FUOM: variants seen among roughly 807,000 people sequenced by gnomAD.
FUOM encodes fucose mutarotase.
FUOM carries 19 observed loss-of-function variants against 18.3 expected under a neutral mutation model. The observed-to-expected ratio is 1.04, with a 90% CI of 0.73 to 1.53. The LOEUF (loss-of-function observed/expected upper bound fraction) is 1.53. Ranked by LOEUF, FUOM falls within the 40% of genes most tolerant of loss-of-function variation. The pLI is 0.00. For synonymous variants in FUOM, 102 were observed against 87.9 expected, an observed-to-expected ratio of 1.16 and a Z score of -0.90; for missense variants, 210 against 200.9, an observed-to-expected ratio of 1.04 and a Z score of -0.27.
chr10:133,356,480 C>T (rs553870506), intron 4 of FUOM, among the ~76,000 whole-genome samples, 160 bp downstream of exon 4: 93 of 152,326 alleles, frequency 6.1e-4, no homozygotes, highest in Middle Eastern at 6.8e-3. Context: ...CCTCTTCCAC[C>T]TGGCTGGTGA....
At chr10:133,355,607 G>C in intron 5 of FUOM, 131 bp downstream of exon 5, 3 of 1,579,126 alleles carry the variant, frequency 1.9e-6, no homozygotes, top group Admixed American at 3.3e-5. Context: ...CCACTCTGTG[G>C]GACGTCTAGC....
rs1017586083 is a variant in FUOM at position 133,357,071 on chromosome 10, G to T, written c.155-58C>A. 3.2e-6 allele frequency: 5 copies of T among 1,539,622 alleles called. No homozygotes were observed. The Admixed American group carries it at 5.9e-5, about 18-fold the overall frequency. On this transcript the variant is annotated intron_variant, in intron 2 of 5. Transcript: ENST00000278025. ...AGCCCGCCCGCCCGCCTGCCTGTCT[G>T]CACCCTTCACACTGCAAGCATGGAC...
chr10:133,356,085 T>C (rs910986942), intron 4 of FUOM, among the ~76,000 whole-genome samples: 1 of 152,166 alleles, frequency 6.6e-6, no homozygotes, highest in African/African-American at 2.4e-5. Context: ...GTCGAGCCCC[T>C]GCCAGCTGTC....
chr10:133,357,760 C>G (rs1848857272), intron 1 of FUOM, 163 bp downstream of exon 1: 2 of 565,106 alleles, frequency 3.5e-6, no homozygotes, highest in African/African-American at 4.0e-5. Context: ...TCTCAGTTCC[C>G]TAAAGAATGC....
At position 133,358,009 on chromosome 10, in the gene FUOM, G is replaced by C; in HGVS notation, c.-2C>G. 6.7e-7 allele frequency: 1 copy of C among 1,495,696 alleles called. No individual in the cohort carries two copies. The highest frequency in any genetic ancestry group is 8.9e-7 in the Non-Finnish European group (1 of 1,127,172). 92.7% of individuals were successfully genotyped at this position (1,495,696 alleles called of 1,614,324 possible). The stretch of plus-strand genomic sequence containing the variant: ...GGGGACACCCTTCAGCGCCACCATG[G>C]CCCGGCAGACGGGGCGGGCGGGGCC... On this transcript the variant is annotated 5_prime_UTR_variant, in exon 1 of 6. Transcript: ENST00000278025.
chr10:133,354,831 G>A (rs956057197), downstream of FUOM, among the ~76,000 whole-genome samples: 5 of 152,192 alleles, frequency 3.3e-5, no homozygotes, highest in African/African-American at 9.6e-5. Context: ...CTCTCCAGCC[G>A]ACAGTTCCTC....
rs754390183 is a variant in FUOM at position 133,357,035 on chromosome 10, A to C, written c.155-22T>G. The C allele has an allele frequency of 5.2e-6, 8 of 1,548,710 alleles. No individual in the cohort carries two copies. In the Admixed American group the frequency reaches 1.6e-4, roughly 30 times the overall value. On this transcript the variant is annotated intron_variant, in intron 2 of 5. Transcript: ENST00000278025. ...AGGCCTGGAGGGCAGAGGAGGCAGC[A>C]CTCAGTCTCCAGCCCGCCCGCCCGC...
rs752538305 is a variant in FUOM, at chr10:133,355,393, G to A, written c.442C>T (p.Leu148Phe). The change falls in exon 6 of 6, where the codon CTT becomes TTT. Residue 148 changes from leucine to phenylalanine, a missense_variant. Coordinates refer to ENST00000278025, the MANE Select transcript of FUOM (RefSeq NM_001098483.3). Reference sequence around the variant, plus strand: ...GCCTACAGCAGGGGGTTGAGGGCAAGCACCCCCTTCCTGAGGATGAGGTTT... The same window carrying A: ...GCCTACAGCAGGGGGTTGAGGGCAAACACCCCCTTCCTGAGGATGAGGTTT... ...YGNLILRKGV[L>F]ALNPLL is the part of the protein sequence containing the mutation. 9 of 1,608,356 alleles carry A rather than the reference G, an allele frequency of 5.6e-6. No individual in the cohort carries two copies. In the South Asian group the frequency reaches 9.9e-5, roughly 18 times the overall value.
intron 2 of FUOM, 23 bp downstream of exon 2, chr10:133,357,164 T>C: frequency 1.4e-6 from 2 of 1,460,902 alleles, no homozygotes; most frequent in South Asian, 1.2e-5. Context: ...CGCCCTGCCC[T>C]GGGGGACCTG....
chr10:133,353,604 C>T (rs940419871), downstream of FUOM, among the ~76,000 whole-genome samples: 1 of 152,152 alleles, frequency 6.6e-6, no homozygotes, highest in African/African-American at 2.4e-5. Context: ...CTCCTTGCAC[C>T]GCCAGCAAAT....
intron 4 of FUOM, among the ~76,000 whole-genome samples, chr10:133,356,273 G>A (rs897824920): frequency 1.4e-4 from 21 of 152,236 alleles, no homozygotes; most frequent in Admixed American, 1.2e-3. Context: ...TAGCCAGGAT[G>A]GGGCGAGAGA....
intron 1 of FUOM, 122 bp from the exon 2 acceptor site, chr10:133,357,377 G>C (rs978732990): frequency 5.0e-6 from 5 of 994,438 alleles, no homozygotes; most frequent in Non-Finnish European, 7.7e-6. Flanking sequence ...AGGTCAGCCA[G>C]TTGGGCGCCC....
chr10:133,357,436 G>A (rs1182559718), intron 1 of FUOM, 181 bp from the exon 2 acceptor site: 16 of 654,550 alleles, frequency 2.4e-5, no homozygotes, highest in Non-Finnish European at 4.4e-5. Flanking sequence ...AAGCCACGCG[G>A]GGAGGTGGGG....
At chr10:133,356,498 C>T (rs998883187) in intron 4 of FUOM, 142 bp downstream of exon 4, 2 of 529,820 alleles carry the variant, frequency 3.8e-6, no homozygotes, top group Non-Finnish European at 6.5e-6. Flanking sequence ...TGAAGGAGTG[C>T]CAGTGGTCCG....
intron 5 of FUOM, 55 bp from the exon 6 acceptor site, chr10:133,355,491 A>ACCC (rs1218406657): frequency 5.0e-6 from 8 of 1,606,470 alleles, no homozygotes; most frequent in Non-Finnish European, 6.8e-6. Context: ...GGGTGCCGAG[A>ACCC]CCCTGCTTCA....
At chr10:133,356,265 G>A (rs1415124367) in intron 4 of FUOM, among the ~76,000 whole-genome samples, 3 of 152,216 alleles carry the variant, frequency 2.0e-5, no homozygotes, top group Non-Finnish European at 4.4e-5. Context: ...ACCAACCATA[G>A]CCAGGATGGG....
Position 133,356,716 on chromosome 10 carries a change from G to A in FUOM, c.248C>T (p.Pro83Leu), listed in dbSNP as rs749644773. The A allele has an allele frequency of 3.8e-6, 6 of 1,595,242 alleles. No individual in the cohort carries two copies. The highest frequency in any genetic ancestry group is 4.3e-6 in the Non-Finnish European group (5 of 1,170,168). The change falls in exon 4 of 6, where the codon CCC (proline) becomes CTC (leucine). Residue 83 changes from proline (P) to leucine (L), a missense_variant. Coordinates refer to ENST00000278025, the MANE Select transcript of FUOM (RefSeq NM_001098483.3). ...CTGCAGGCCCCTCTCCTTGTCGCTG[G>A]GCACCAGCTCCATGACTGCAGCCTA... Reference protein sequence around the residue: ...ESPAAVMELVPSDKERGLQTP... With the variant: ...ESPAAVMELVLSDKERGLQTP...
intron 1 of FUOM, 109 bp downstream of exon 1, chr10:133,357,814 A>C: frequency 1.2e-6 from 1 of 823,714 alleles, no homozygotes; most frequent in Admixed American, 3.3e-5. Flanking sequence ...GGCCCGAGCA[A>C]CGCCCACACC....
At chr10:133,356,802 C>A in intron 3 of FUOM, 64 bp from the exon 4 acceptor site, 2 of 1,453,056 alleles carry the variant, frequency 1.4e-6, no homozygotes, top group East Asian at 2.5e-5. Context: ...GGTGACCATT[C>A]GGGACTCCCC....
Sources: allele counts gnomAD v4.1 joint callset (sites outside exome capture counted in the v4.1 genomes callset), GRCh38; gene constraint gnomAD v4.1.1; transcripts MANE v1.5; gene names NCBI Gene and HGNC (gene_info 2026-07-23, HGNC 2026-07-21).